Variants in C1QTNF8 observed in about 807,000 individuals in gnomAD.
C1QTNF8 encodes C1q and TNF related 8, also known as complement C1q tumor necrosis factor-related protein 8.
C1QTNF8 carries 27 observed loss-of-function variants against 19.2 expected under a neutral mutation model. That is an observed-to-expected ratio of 1.41 (90% CI 1.04 to 1.94). The LOEUF (loss-of-function observed/expected upper bound fraction) is 1.94. Among genes scored for constraint, C1QTNF8 ranks in the 30% most tolerant of loss-of-function variants. C1QTNF8 has a pLI of 0.00. For synonymous variants in C1QTNF8, 208 were observed against 172.8 expected (o/e 1.20, Z -1.60); for missense variants, 484 against 374.4 (o/e 1.29, Z -2.42).
intron 4 of C1QTNF8, among the ~76,000 whole-genome samples, chr16:1,092,124 A>G (rs1206162785): frequency 6.6e-6 from 1 of 152,274 alleles, no homozygotes; most frequent in Non-Finnish European, 1.5e-5. Flanking sequence ...CCCACCGCAC[A>G]CCCAGTACCA....
intron 2 of C1QTNF8, among the ~76,000 whole-genome samples, 180 bp downstream of exon 2, chr16:1,095,435 G>A (rs62012305): frequency 6.6e-6 from 1 of 152,186 alleles, no homozygotes; most frequent in Non-Finnish European, 1.5e-5. Flanking sequence ...CCCCAGGGCA[G>A]GGCCTGCAGG....
At chr16:1,092,456 C>A (rs1031047419) in intron 4 of C1QTNF8, among the ~76,000 whole-genome samples, 15 of 148,748 alleles carry the variant, frequency 1.0e-4, no homozygotes, top group Non-Finnish European at 1.9e-4. Context: ...AGCACACAGT[C>A]GTCGCTCAAC....
chr16:1,095,252 C>G (rs977392502), intron 2 of C1QTNF8, among the ~76,000 whole-genome samples: 6 of 152,232 alleles, frequency 3.9e-5, no homozygotes, highest in African/African-American at 1.2e-4. Flanking sequence ...CCTCTAAACT[C>G]AGGAGCGGGT....
chr16:1,092,502 T>A (rs1211244038), intron 4 of C1QTNF8, among the ~76,000 whole-genome samples: 84 of 132,228 alleles, frequency 6.4e-4, no homozygotes, highest in African/African-American at 2.1e-3. Flanking sequence ...AACCAATCCC[T>A]GCACACAGTC....
chr16:1,093,617 C>A lies in C1QTNF8; in HGVS notation c.643G>T (p.Asp215Tyr), dbSNP rs370122688. ...QSLMLLLAAG[D>Y]AVWVRMFQRD... ...TGGAACATGCGCACCCAGACGGCGT[C>A]GCCCGCCGCCAGCAGCAGCATCAGG... Residue 215 changes from aspartate to tyrosine, a missense_variant, in exon 4 of 5, where the codon GAC becomes TAC. By Grantham distance (160) the Asp-to-Tyr change is radical. Coordinates refer to ENST00000328449, the MANE Select transcript of C1QTNF8 (RefSeq NM_207419.3). The A allele has an allele frequency of 2.5e-6, 4 of 1,605,536 alleles. No homozygotes were observed. The highest frequency in any genetic ancestry group is 3.4e-6 in the Non-Finnish European group (4 of 1,176,372).
At chr16:1,095,067 C>T (rs749807197) in intron 2 of C1QTNF8, 134 bp from the exon 3 acceptor site, 98 of 421,042 alleles carry the variant, frequency 2.3e-4, no homozygotes, top group Non-Finnish European at 3.2e-4. Context: ...TGGGCACGGA[C>T]GGTCCTGGCC....
chr16:1,091,870 C>T (rs1207323677), intron 4 of C1QTNF8, among the ~76,000 whole-genome samples: 1 of 149,990 alleles, frequency 6.7e-6, no homozygotes. Flanking sequence ...GTGCTGGGTG[C>T]CCCTCACACC....
Position 1,093,873 on chromosome 16 carries a change from GC to G in C1QTNF8, c.386del (p.Ser129ThrfsTer15), listed in dbSNP as rs767548181. ...FSVGRREGLH[S>X]SDHFQAVPFD... ...AGGGCACCGCCTGGAAGTGGTCGGA[GC>G]TGTGCAGGCCCTCGCGCCGGCCCAC... is the stretch of plus-strand genomic sequence containing the variant. On this transcript the variant is annotated frameshift_variant, in exon 4 of 5. Transcript: ENST00000328449. LOFTEE classifies it high-confidence loss of function. 6.3e-7 allele frequency: 1 copy of G among 1,597,278 alleles called. No individual in the cohort carries two copies. Among genetic ancestry groups the G allele is most frequent in the Non-Finnish European group, 8.5e-7 (1 of 1,176,736 alleles).
At position 1,093,880 on chromosome 16, in the gene C1QTNF8, A is replaced by G; in HGVS notation, c.380T>C (p.Leu127Pro). 6.3e-7 allele frequency: 1 copy of G among 1,581,330 alleles called. No individual in the cohort carries two copies. The highest frequency in any genetic ancestry group is 8.5e-7 in the Non-Finnish European group (1 of 1,170,582). Residue 127 changes from leucine (L) to proline (P), a missense_variant, in exon 4 of 5, where the codon CTG (leucine) becomes CCG (proline). Coordinates refer to ENST00000328449, the MANE Select transcript of C1QTNF8 (RefSeq NM_207419.3). ...CGCCTGGAAGTGGTCGGAGCTGTGC[A>G]GGCCCTCGCGCCGGCCCACGGAGAA... The part of the protein sequence containing the change: ...AAFSVGRREG[L>P]HSSDHFQAVP...
intron 4 of C1QTNF8, among the ~76,000 whole-genome samples, chr16:1,091,178 C>CCGCATCCCTTCATCTGTT (rs1960536570): frequency 6.6e-6 from 1 of 152,136 alleles, no homozygotes; most frequent in Non-Finnish European, 1.5e-5. Context: ...ACCTGGGACC[C>CCGCATCCCTTCATCTGTT]CGCATCCCTT....
At position 1,091,951 on chromosome 16, in the gene C1QTNF8, G is replaced by C. The variant is rs569111411; in HGVS notation, c.*5-1357C>G. ...GTCCATCCACACCGGGCAGGTGCTT[G>C]GCAAATACGCAATGTCGAATGAATG... On this transcript the variant is annotated intron_variant, in intron 4 of 4. Transcript: ENST00000328449. 2.6e-5 allele frequency among the ~76,000 whole-genome samples: 4 copies of C among 152,338 alleles called. No individual in the cohort carries two copies. The East Asian group carries it at 7.7e-4, about 29-fold the overall frequency.
At chr16:1,094,623 C>T (rs1289076210) in intron 3 of C1QTNF8, 92 bp downstream of exon 3, 72 of 1,075,792 alleles carry the variant, frequency 6.7e-5, no homozygotes, top group Non-Finnish European at 9.0e-5. Flanking sequence ...GTGCCCCTCC[C>T]GCCCCTCCTC....
Position 1,094,840 on chromosome 16 carries a change from T to C in C1QTNF8, c.83A>G (p.His28Arg), listed in dbSNP as rs779896096. 2.1e-6 allele frequency: 3 copies of C among 1,449,168 alleles called. No homozygotes were observed. The highest frequency in any genetic ancestry group is 5.1e-5 in the Admixed American group (2 of 38,920). 89.8% of individuals were successfully genotyped at this position (1,449,168 alleles called of 1,614,324 possible). ...WPGLPRRPCV[H>R]CCRPAWPPGP... Reference sequence around the variant, plus strand: ...AGGGGGCCAGGCCGGGCGGCAGCAGTGCACACAGGGCCTCCTGGGCAGCCC... The same window carrying C: ...AGGGGGCCAGGCCGGGCGGCAGCAGCGCACACAGGGCCTCCTGGGCAGCCC... The change falls in exon 3 of 5, where the codon CAC becomes CGC. Residue 28 changes from histidine (H) to arginine (R), a missense_variant. By Grantham distance (29) the His-to-Arg change is conservative. Transcript: ENST00000328449.
At chr16:1,093,017 G>A (rs1171207617) in intron 4 of C1QTNF8, among the ~76,000 whole-genome samples, 277 of 82,904 alleles carry the variant, frequency 3.3e-3, no homozygotes, top group East Asian at 8.2e-3. Context: ...GCACACAGTC[G>A]GCGCTCAACC....
At position 1,093,924 on chromosome 16, in the gene C1QTNF8, G is replaced by C; in HGVS notation, c.336C>G (p.Cys112Trp). ...CGGAGAAGGCGGCGTAGGCACGTCG[G>C]CACGCGGCGCCCGGCGGCCCCACCT... Reference protein sequence around the residue: ...KGQVGPPGAACRRAYAAFSVG... With the variant: ...KGQVGPPGAAWRRAYAAFSVG... The change falls in exon 4 of 5, where the codon TGC (cysteine) becomes TGG (tryptophan). Residue 112 changes from cysteine to tryptophan, a missense_variant. Physicochemically the swap from Cys to Trp is radical, Grantham distance 215. Transcript: ENST00000328449. 3 of 1,512,068 alleles carry C rather than the reference G, an allele frequency of 2.0e-6. No homozygotes were observed. Among genetic ancestry groups the C allele is most frequent in the Non-Finnish European group, 2.6e-6 (3 of 1,141,500 alleles). 93.7% of individuals were successfully genotyped at this position (1,512,068 alleles called of 1,614,324 possible). A position where few individuals can be genotyped will look rare whatever the true frequency, so the allele number is the denominator to read the frequency against.
At chr16:1,094,621 C>T in intron 3 of C1QTNF8, 94 bp downstream of exon 3, 4 of 1,044,036 alleles carry the variant, frequency 3.8e-6, no homozygotes, top group Non-Finnish European at 5.5e-6. Flanking sequence ...GCGTGCCCCT[C>T]CCGCCCCTCC....
chr16:1,088,942 C>T lies in C1QTNF8; in HGVS notation c.*1657G>A, dbSNP rs1045410057. On this transcript the variant is annotated 3_prime_UTR_variant, in exon 5 of 5. Coordinates refer to ENST00000328449, the MANE Select transcript of C1QTNF8 (RefSeq NM_207419.3). The stretch of plus-strand genomic sequence containing the variant: ...GGGGCTGCTGTGGTCACGTCTGGGT[C>T]CTTGGCTGGGCCTGGTGACGGGCAC... Among the ~76,000 whole-genome samples the T allele has an allele frequency of 5.3e-5, 8 of 152,196 alleles. No individual in the cohort carries two copies. The highest frequency in any genetic ancestry group is 1.9e-4 in the African/African-American group (8 of 41,450).
rs1264015397 is a variant in C1QTNF8 at position 1,093,753 on chromosome 16, G to C, written c.507C>G (p.Asn169Lys). The change falls in exon 4 of 5, where the codon AAC becomes AAG. Residue 169 changes from asparagine (N) to lysine (K), a missense_variant. Coordinates refer to ENST00000328449, the MANE Select transcript of C1QTNF8 (RefSeq NM_207419.3). ...TVPGVYFLSL[N>K]VHTWNYKETY... Reference sequence around the variant, plus strand: ...TCTCCTTGTAGTTCCAGGTGTGCACGTTGAGGCTGAGGAAGTAGACGCCGG... The same window carrying C: ...TCTCCTTGTAGTTCCAGGTGTGCACCTTGAGGCTGAGGAAGTAGACGCCGG... 1.2e-6 allele frequency: 2 copies of C among 1,612,228 alleles called. No homozygotes were observed. The highest frequency in any genetic ancestry group is 1.1e-5 in the South Asian group (1 of 91,088).
At chr16:1,094,690 T>C (rs1049080599) in intron 3 of C1QTNF8, 25 bp downstream of exon 3, 5 of 1,583,198 alleles carry the variant, frequency 3.2e-6, no homozygotes, top group Non-Finnish European at 4.3e-6. Context: ...TGGGGGAGCA[T>C]GCAGGCAGCA....
Sources: gnomAD v4.1 joint callset for allele counts (sites outside exome capture counted in the v4.1 genomes callset) on GRCh38, gnomAD v4.1.1 for gene constraint, MANE v1.5 for transcripts, NCBI Gene and HGNC (gene_info 2026-07-23, HGNC 2026-07-21) for gene names.